Variants in XKR9 observed in about 807,000 individuals in gnomAD.
The protein encoded by XKR9 is XK related 9, also known as XK-related protein 9.
In XKR9, 32 loss-of-function variants were observed where a neutral mutation model predicts 32.0. The ratio of observed to expected loss-of-function variants is 1.00; its 90% CI spans 0.76 to 1.34. XKR9 has a LOEUF of 1.34. Among genes scored for constraint, XKR9 ranks in the 40% most tolerant of loss-of-function variants. The pLI, the probability that XKR9 is intolerant of heterozygous loss-of-function variation, is 0.00. For missense variants in XKR9, 546 were observed against 429.7 expected (o/e 1.27, Z -2.39); for synonymous variants, 168 against 143.4 (o/e 1.17, Z -1.22).
At chr8:71,053,861 T>C in the XKR9 span, among the ~76,000 whole-genome samples, 46 of 150,384 alleles carry the variant, frequency 3.1e-4, no homozygotes, top group African/African-American at 1.1e-3. Context: ...CATATGCTTC[T>C]CCTCTCTTAG....
the XKR9 span, among the ~76,000 whole-genome samples, chr8:70,898,694 C>T: frequency 6.6e-6 from 1 of 152,002 alleles, no homozygotes; most frequent in Non-Finnish European, 1.5e-5. Flanking sequence ...CATACTTTAA[C>T]ATTTCTCTTT....
At chr8:70,701,442 C>T (rs1448353979) in intron 3 of XKR9, among the ~76,000 whole-genome samples, 1 of 152,140 alleles carries the variant, frequency 6.6e-6, no homozygotes, top group Non-Finnish European at 1.5e-5. Context: ...GTTGTATTTA[C>T]TTGCCCCTTC....
the XKR9 span, among the ~76,000 whole-genome samples, chr8:70,994,981 A>G: frequency 3.3e-5 from 5 of 152,174 alleles, no homozygotes; most frequent in Non-Finnish European, 7.4e-5. Flanking sequence ...AAAGTTTATT[A>G]TGTAGATTTC....
At chr8:70,727,500 A>C (rs1193775764) in intron 4 of XKR9, among the ~76,000 whole-genome samples, 2 of 152,104 alleles carry the variant, frequency 1.3e-5, no homozygotes, top group East Asian at 3.9e-4. Flanking sequence ...TCCCGGATTC[A>C]GTCGATTCTT....
the XKR9 span, among the ~76,000 whole-genome samples, chr8:70,918,877 A>G: frequency 1.5e-5 from 2 of 136,154 alleles, no homozygotes; most frequent in Non-Finnish European, 3.1e-5. Flanking sequence ...TCCCAGGTTC[A>G]TGCCATTCTC....
the XKR9 span, among the ~76,000 whole-genome samples, chr8:70,942,508 C>T: frequency 3.3e-5 from 5 of 152,010 alleles, no homozygotes; most frequent in Admixed American, 2.6e-4. Context: ...GGGAAAATCC[C>T]ATAAGAGGGA....
At chr8:70,780,247 C>CTTAAATTT (rs1200526466) in intron 2 of XKR9, among the ~76,000 whole-genome samples, 1 of 151,442 alleles carries the variant, frequency 6.6e-6, no homozygotes, top group African/African-American at 2.4e-5. Flanking sequence ...TTGTTTTTCA[C>CTTAAATTT]TTAAATTTTT....
At chr8:70,990,733 A>AAGAGAGAGAGAGAGAGAGAGAG in the XKR9 span, among the ~76,000 whole-genome samples, 9 of 143,184 alleles carry the variant, frequency 6.3e-5, no homozygotes, top group East Asian at 4.1e-4. Flanking sequence ...TTGGCAGAAT[A>AAGAGAGAGAGAGAGAGAGAGAG]AGAGAGAGAG....
chr8:70,669,812 G>A (rs533869424), intron 1 of XKR9, among the ~76,000 whole-genome samples: 1 of 151,972 alleles, frequency 6.6e-6, no homozygotes, highest in South Asian at 2.1e-4. Context: ...GACTATAGGC[G>A]TCCGCCACCA....
intron 2 of XKR9, among the ~76,000 whole-genome samples, chr8:70,743,446 G>A (rs2130168247): frequency 6.6e-6 from 1 of 152,152 alleles, no homozygotes; most frequent in East Asian, 1.9e-4. Context: ...TTGCTCATAT[G>A]GCTACTAATT....
chr8:70,775,919 A>G (rs1444063229), intron 2 of XKR9, among the ~76,000 whole-genome samples: 1 of 151,670 alleles, frequency 6.6e-6, no homozygotes, highest in Non-Finnish European at 1.5e-5. Flanking sequence ...TAAGTTTTAA[A>G]TTTTTTTGTC....
chr8:70,790,940 G>T (rs1417422017), downstream of XKR9, among the ~76,000 whole-genome samples: 1 of 151,960 alleles, frequency 6.6e-6, no homozygotes, highest in Non-Finnish European at 1.5e-5. Context: ...GGTGGAAGGG[G>T]CAAACAGCTC....
the XKR9 span, among the ~76,000 whole-genome samples, chr8:70,797,416 A>G: frequency 5.9e-5 from 9 of 152,120 alleles, no homozygotes; most frequent in Admixed American, 3.9e-4. Context: ...TGTGGATTCA[A>G]CCTTTTGAAC....
At chr8:70,755,112 A>G (rs1471980439) in intron 2 of XKR9, among the ~76,000 whole-genome samples, 3 of 152,256 alleles carry the variant, frequency 2.0e-5, no homozygotes, top group Non-Finnish European at 4.4e-5. Flanking sequence ...ATGAACAGAC[A>G]CTTCTCAAAA....
the XKR9 span, among the ~76,000 whole-genome samples, chr8:70,879,879 A>G: frequency 3.9e-5 from 6 of 152,194 alleles, no homozygotes; most frequent in African/African-American, 1.2e-4. Flanking sequence ...ATCCTCAATA[A>G]AATACTGGCA....
chr8:71,038,274 T>G, the XKR9 span, among the ~76,000 whole-genome samples: 2 of 151,276 alleles, frequency 1.3e-5, no homozygotes, highest in Non-Finnish European at 2.9e-5. Flanking sequence ...TTTCTCTTTT[T>G]CTTTCTTTTC....
rs1021080113 is a variant in XKR9, at chr8:70,735,007, C to A, written c.*583C>A. On this transcript the variant is annotated 3_prime_UTR_variant, in exon 5 of 5. Coordinates refer to ENST00000408926, the MANE Select transcript of XKR9 (RefSeq NM_001011720.2). ...ATTATTTACTTATTTCCTAGCTTTT[C>A]TGAATTAATGCACTCTTAACATATA... is the stretch of plus-strand genomic sequence containing the variant. The A allele has an allele frequency of 1.3e-5, 2 of 152,218 alleles. No homozygotes were observed. The highest frequency in any genetic ancestry group is 2.9e-5 in the Non-Finnish European group (2 of 68,036). 9.4% of individuals were successfully genotyped at this position (152,218 alleles called of 1,614,324 possible).
chr8:70,819,110 A>G, the XKR9 span, among the ~76,000 whole-genome samples: 1 of 152,222 alleles, frequency 6.6e-6, no homozygotes, highest in Non-Finnish European at 1.5e-5. Context: ...CTGGTTGCAC[A>G]AGGAACAGCA....
At chr8:71,037,381 G>A in the XKR9 span, among the ~76,000 whole-genome samples, 2 of 152,076 alleles carry the variant, frequency 1.3e-5, no homozygotes, top group Non-Finnish European at 2.9e-5. Flanking sequence ...AAGGACTGCA[G>A]GAAAAAGCAG....
Sources: allele counts gnomAD v4.1 joint callset (sites outside exome capture counted in the v4.1 genomes callset), GRCh38; gene constraint gnomAD v4.1.1; transcripts MANE v1.5; gene names NCBI Gene and HGNC (gene_info 2026-07-23, HGNC 2026-07-21).